PDE4D: variants seen among roughly 807,000 people sequenced by gnomAD.
PDE4D encodes the protein 3',5'-cyclic-AMP phosphodiesterase 4D.
PDE4D carries 24 observed loss-of-function variants against 87.4 expected under a neutral mutation model. The observed-to-expected ratio is 0.27, with a 90% CI of 0.20 to 0.39. PDE4D has a LOEUF of 0.39. Ranked by LOEUF, PDE4D falls within the 10% of genes least tolerant of loss-of-function variation. PDE4D has a pLI of 1.00. For synonymous variants in PDE4D, 384 were observed against 383.2 expected (o/e 1.00, Z -0.02); for missense variants, 714 against 1,041.0 (o/e 0.69, Z 4.32).
chr5:59,963,777 A>G (rs1759728695), intron 3 of PDE4D, among the ~76,000 whole-genome samples: 2 of 152,112 alleles, frequency 1.3e-5, no homozygotes, highest in Non-Finnish European at 2.9e-5. Context: ...GGTGAGAAAC[A>G]CAGCCCTATT....
chr5:60,308,776 T>C (rs888378677), intron 1 of PDE4D, among the ~76,000 whole-genome samples: 2 of 152,182 alleles, frequency 1.3e-5, no homozygotes, highest in African/African-American at 4.8e-5. Context: ...ATAATTCAGA[T>C]GGCAAAACAA....
chr5:60,430,637 A>C (rs533903403), intron 1 of PDE4D: 3,927 of 211,238 alleles, frequency 0.019, 53 homozygotes, highest in Non-Finnish European at 0.027. Context: ...GAAGGTCAGC[A>C]GATAAACAAG....
intron 3 of PDE4D, among the ~76,000 whole-genome samples, chr5:59,189,547 T>C (rs544580661): frequency 6.6e-6 from 1 of 152,266 alleles, no homozygotes; most frequent in African/African-American, 2.4e-5. Context: ...AGGGTAGTTG[T>C]GTCACAAATC....
chr5:60,137,342 T>C (rs1056250776), intron 2 of PDE4D, among the ~76,000 whole-genome samples: 2 of 152,194 alleles, frequency 1.3e-5, no homozygotes, highest in African/African-American at 2.4e-5. Flanking sequence ...GGTTAAATGA[T>C]ATTTCTGCCT....
chr5:59,805,969 G>C (rs570084741), intron 1 of PDE4D, among the ~76,000 whole-genome samples: 12 of 152,274 alleles, frequency 7.9e-5, no homozygotes, highest in Admixed American at 2.0e-4. Flanking sequence ...TCCAAATCTT[G>C]ATTTAATGCT....
chr5:59,846,205 C>A (rs1334939443), intron 1 of PDE4D, among the ~76,000 whole-genome samples: 1 of 151,988 alleles, frequency 6.6e-6, no homozygotes, highest in African/African-American at 2.4e-5. Context: ...GATGGTGGTA[C>A]TGGACACACA....
At chr5:60,320,684 A>T (rs535702067) in intron 1 of PDE4D, among the ~76,000 whole-genome samples, 2 of 152,200 alleles carry the variant, frequency 1.3e-5, no homozygotes, top group African/African-American at 4.8e-5. Flanking sequence ...AACCTCCTAG[A>T]TCTGATAAAC....
chr5:59,445,609 C>T (rs190684255), intron 1 of PDE4D, among the ~76,000 whole-genome samples: 126 of 152,262 alleles, frequency 8.3e-4, no homozygotes, highest in African/African-American at 2.8e-3. Flanking sequence ...ACAAAAATAA[C>T]ACAGTTAACA....
At chr5:59,342,604 A>C (rs991459921) in intron 1 of PDE4D, among the ~76,000 whole-genome samples, 3 of 152,162 alleles carry the variant, frequency 2.0e-5, no homozygotes, top group African/African-American at 7.2e-5. Flanking sequence ...TAAATTGTTG[A>C]CAATTATACA....
At chr5:59,900,263 TACACAC>T (rs765524262) in intron 3 of PDE4D, among the ~76,000 whole-genome samples, 20 of 135,838 alleles carry the variant, frequency 1.5e-4, no homozygotes, top group Non-Finnish European at 2.4e-4. Context: ...TATATATATA[TACACAC>T]ACACACACAC....
chr5:59,332,404 C>T (rs1260387111), intron 1 of PDE4D, among the ~76,000 whole-genome samples: 1 of 152,146 alleles, frequency 6.6e-6, no homozygotes, highest in East Asian at 1.9e-4. Context: ...TTATGAGTGA[C>T]ATGCTTGCCT....
At chr5:59,428,213 T>G (rs1795594493) in intron 1 of PDE4D, among the ~76,000 whole-genome samples, 1 of 152,218 alleles carries the variant, frequency 6.6e-6, no homozygotes, top group South Asian at 2.1e-4. Context: ...GAAGTCATTA[T>G]TTTATAAGGA....
intron 1 of PDE4D, among the ~76,000 whole-genome samples, chr5:59,259,647 G>T (rs1761619993): frequency 6.6e-6 from 1 of 151,334 alleles, no homozygotes; most frequent in Non-Finnish European, 1.5e-5. Flanking sequence ...ATTGTTAAAA[G>T]TTTCTTGGAT....
intron 1 of PDE4D, among the ~76,000 whole-genome samples, chr5:59,881,596 ACTTTT>A (rs1190057701): frequency 6.6e-6 from 1 of 152,188 alleles, no homozygotes; most frequent in Non-Finnish European, 1.5e-5. Flanking sequence ...TTTTCTACTT[ACTTTT>A]AACAGTATAT....
intron 5 of PDE4D, among the ~76,000 whole-genome samples, chr5:59,108,955 A>ATGTGTGTGTGTGTGTGTGTGTGTG (rs57004711): frequency 8.2e-6 from 1 of 121,872 alleles, no homozygotes; most frequent in Non-Finnish European, 1.7e-5. Flanking sequence ...TAGGAACTCA[A>ATGTGTGTGTGTGTGTGTGTGTGTG]TGTGTGTGTG....
intron 6 of PDE4D, among the ~76,000 whole-genome samples, chr5:59,024,615 C>A (rs911696471): frequency 2.6e-5 from 4 of 152,120 alleles, no homozygotes; most frequent in Non-Finnish European, 2.9e-5. Context: ...ATCCTTTAGG[C>A]ATTCTACTGT....
intron 2 of PDE4D, among the ~76,000 whole-genome samples, chr5:60,041,325 A>T (rs761764080): frequency 1.1e-4 from 17 of 152,128 alleles, no homozygotes; most frequent in Non-Finnish European, 2.4e-4. Flanking sequence ...AGAAAAAAAA[A>T]TCACTTCTTG....
At chr5:60,169,833 A>G (rs1176866809) in intron 2 of PDE4D, among the ~76,000 whole-genome samples, 1 of 150,946 alleles carries the variant, frequency 6.6e-6, no homozygotes, top group Non-Finnish European at 1.5e-5. Context: ...CAATAACAAT[A>G]ATTTTTTAAA....
rs1744608789 is a variant in PDE4D at position 60,434,482 on chromosome 5, C to T, written c.-90+53460G>A. Among the ~76,000 whole-genome samples the T allele has an allele frequency of 2.0e-5, 3 of 151,766 alleles. No homozygotes were observed. The South Asian group carries it at 6.3e-4, about 32-fold the overall frequency. ...GTGTTTTAAAAGGCAGAGTCAGTAG[C>T]ATGAATTGTATAGATTACTCTAATT... On this transcript the variant is annotated intron_variant, in intron 1 of 16. Transcript: ENST00000502484.
Sources: gnomAD v4.1 joint callset for allele counts (sites outside exome capture counted in the v4.1 genomes callset) on GRCh38, gnomAD v4.1.1 for gene constraint, MANE v1.5 for transcripts, NCBI Gene and HGNC (gene_info 2026-07-23, HGNC 2026-07-21) for gene names.